Variants in NRXN3 observed in about 807,000 individuals in gnomAD.
The protein encoded by NRXN3 is neurexin III.
NRXN3 carries 32 observed loss-of-function variants against 137.6 expected under a neutral mutation model. The observed-to-expected ratio is 0.23, with a 90% CI of 0.18 to 0.31. The LOEUF (loss-of-function observed/expected upper bound fraction) is 0.31. NRXN3 is among the 10% of genes least tolerant of loss of function. The pLI is 1.00. For synonymous variants in NRXN3, 798 were observed against 784.5 expected (o/e 1.02, Z -0.29); for missense variants, 1,574 against 2,062.5 (o/e 0.76, Z 4.59).
At chr14:78,316,188 G>A (rs555347621) in intron 4 of NRXN3, among the ~76,000 whole-genome samples, 319 of 152,194 alleles carry the variant, frequency 2.1e-3, no homozygotes, top group Non-Finnish European at 3.5e-3. Context: ...CACAGGTGGA[G>A]GGATTAGGAA....
intron 4 of NRXN3, among the ~76,000 whole-genome samples, chr14:78,607,601 A>G (rs1421098924): frequency 6.6e-6 from 1 of 152,174 alleles, no homozygotes; most frequent in Non-Finnish European, 1.5e-5. Context: ...AGATGTGTAG[A>G]GGGAAGAGTG....
At chr14:78,262,811 G>C (rs2070994164) in intron 2 of NRXN3, among the ~76,000 whole-genome samples, 1 of 152,162 alleles carries the variant, frequency 6.6e-6, no homozygotes, top group Non-Finnish European at 1.5e-5. Flanking sequence ...CCTGATTCTT[G>C]ATGGGCCATT....
At chr14:78,445,238 G>A (rs772624277) in intron 4 of NRXN3, among the ~76,000 whole-genome samples, 3 of 152,158 alleles carry the variant, frequency 2.0e-5, no homozygotes, top group African/African-American at 4.8e-5. Flanking sequence ...AGCATAGCAC[G>A]TCTTCCTGTT....
intron 20 of NRXN3, among the ~76,000 whole-genome samples, chr14:79,845,274 C>T (rs1328090878): frequency 6.6e-6 from 1 of 152,206 alleles, no homozygotes. Context: ...CGGGTATTTA[C>T]TGGAACAACA....
At chr14:79,331,840 CTGTGTGTGTGTG>C (rs58746209) in intron 15 of NRXN3, among the ~76,000 whole-genome samples, 4 of 148,716 alleles carry the variant, frequency 2.7e-5, no homozygotes, top group Admixed American at 6.7e-5. Flanking sequence ...AAGGCTTTTG[CTGTGTGTGTGTG>C]TGTGTGTGTG....
At chr14:78,929,375 A>G (rs2099315245) in intron 10 of NRXN3, among the ~76,000 whole-genome samples, 1 of 152,112 alleles carries the variant, frequency 6.6e-6, no homozygotes, top group South Asian at 2.1e-4. Context: ...ACCCTCCAAA[A>G]GGCCCCAGTG....
At chr14:78,827,325 C>G (rs1173952159) in intron 10 of NRXN3, among the ~76,000 whole-genome samples, 1 of 151,010 alleles carries the variant, frequency 6.6e-6, no homozygotes, top group Non-Finnish European at 1.5e-5. Context: ...TATTCACCAT[C>G]TTTAGTACAA....
chr14:78,341,837 C>T (rs934694508), intron 4 of NRXN3, among the ~76,000 whole-genome samples: 3 of 152,150 alleles, frequency 2.0e-5, no homozygotes, highest in Admixed American at 1.3e-4. Flanking sequence ...AGCTGATAAA[C>T]AGTCTTTACA....
intron 15 of NRXN3, among the ~76,000 whole-genome samples, chr14:79,278,818 C>CGGGAGGGG (rs2080742624): frequency 2.0e-5 from 3 of 152,250 alleles, no homozygotes; most frequent in African/African-American, 7.2e-5. Context: ...ATTCGCCCTG[C>CGGGAGGGG]GGGAGGGGCC....
chr14:78,784,224 C>T (rs2098781162), intron 8 of NRXN3, among the ~76,000 whole-genome samples: 1 of 152,072 alleles, frequency 6.6e-6, no homozygotes, highest in Non-Finnish European at 1.5e-5. Context: ...TGGGCTAGGG[C>T]CTGAATGGGA....
At chr14:79,763,422 C>A (rs537786713) in intron 19 of NRXN3, among the ~76,000 whole-genome samples, 1 of 68,476 alleles carries the variant, frequency 1.5e-5, no homozygotes, top group Admixed American at 1.9e-4. Context: ...TGGGTATACA[C>A]CCAGTAATGG....
chr14:79,666,170 T>C (rs1293709339), intron 17 of NRXN3, among the ~76,000 whole-genome samples: 1 of 152,156 alleles, frequency 6.6e-6, no homozygotes, highest in African/African-American at 2.4e-5. Context: ...ATTTCTGTAA[T>C]GCTTTCAAAA....
At chr14:79,232,109 T>G (rs2072319468) in intron 15 of NRXN3, among the ~76,000 whole-genome samples, 1 of 152,108 alleles carries the variant, frequency 6.6e-6, no homozygotes, top group African/African-American at 2.4e-5. Context: ...CATAAATAAT[T>G]TGGCCCAGGT....
At chr14:79,179,560 G>T (rs4903834) in intron 15 of NRXN3, among the ~76,000 whole-genome samples, 1 of 152,062 alleles carries the variant, frequency 6.6e-6, no homozygotes, top group Non-Finnish European at 1.5e-5. Flanking sequence ...AGCAATTTGC[G>T]TTTCAACAAG....
At chr14:78,551,729 T>C (rs1405804036) in intron 4 of NRXN3, among the ~76,000 whole-genome samples, 1 of 144,220 alleles carries the variant, frequency 6.9e-6, no homozygotes, top group Non-Finnish European at 1.5e-5. Context: ...CACTTCTCTC[T>C]CCTCTTTCAT....
intron 15 of NRXN3, among the ~76,000 whole-genome samples, chr14:79,371,305 A>G (rs1056065424): frequency 6.6e-5 from 10 of 152,170 alleles, no homozygotes; most frequent in Non-Finnish European, 1.2e-4. Flanking sequence ...GCTCACAGAG[A>G]GTTAGGGTGA....
In NRXN3 at chr14:78,246,038, A is replaced by C. The variant is rs957708088; in HGVS notation, c.709+2236A>C. Among the ~76,000 whole-genome samples, 17 of 152,340 alleles carry C rather than the reference A, an allele frequency of 1.1e-4. No homozygotes were observed. In the East Asian group the frequency reaches 2.9e-3, roughly 26 times the overall value. On this transcript the variant is annotated intron_variant, in intron 2 of 20. Transcript: ENST00000335750. Reference sequence around the variant, plus strand: ...CGCTGACATGATCACTTGTTTTCTCATTCGCCCAAAGGATCTGTTCTGTTC... The same window carrying C: ...CGCTGACATGATCACTTGTTTTCTCCTTCGCCCAAAGGATCTGTTCTGTTC...
intron 1 of NRXN3, among the ~76,000 whole-genome samples, chr14:78,216,942 T>G (rs1283995161): frequency 7.9e-5 from 12 of 152,118 alleles, no homozygotes; most frequent in Non-Finnish European, 1.6e-4. Flanking sequence ...TCTCTATCCC[T>G]CTAAGGACAC....
chr14:79,499,625 T>A (rs2096799859), intron 16 of NRXN3, among the ~76,000 whole-genome samples: 1 of 152,164 alleles, frequency 6.6e-6, no homozygotes, highest in African/African-American at 2.4e-5. Context: ...GCCTGGCTCA[T>A]AGTGAACCCT....
Sources: gnomAD v4.1 joint callset for allele counts (sites outside exome capture counted in the v4.1 genomes callset) on GRCh38, gnomAD v4.1.1 for gene constraint, MANE v1.5 for transcripts, NCBI Gene and HGNC (gene_info 2026-07-23, HGNC 2026-07-21) for gene names.